The following GPHN variants were observed in gnomAD, a reference collection of about 807,000 sequenced individuals.
GPHN encodes gephyrin.
A neutral mutation model predicts 95.5 loss-of-function variants in GPHN; 17 were observed. The observed-to-expected ratio is 0.18, with a 90% CI of 0.12 to 0.27. The LOEUF is 0.27. GPHN is among the 10% of genes least tolerant of loss of function. The pLI is 1.00. For synonymous variants in GPHN, 320 were observed against 322.5 expected, an observed-to-expected ratio of 0.99 and a Z score of 0.08; for missense variants, 660 against 978.1, an observed-to-expected ratio of 0.67 and a Z score of 4.34.
the GPHN span, among the ~76,000 whole-genome samples, chr14:67,706,718 G>A: frequency 0.13 from 20,385 of 152,092 alleles, 1,403 homozygotes; most frequent in East Asian, 0.21. Context: ...TTTTCCCTTT[G>A]GCTTTGTGAT....
At chr14:66,793,272 AC>A (rs1438907504) in intron 3 of GPHN, among the ~76,000 whole-genome samples, 1 of 152,266 alleles carries the variant, frequency 6.6e-6, no homozygotes, top group African/African-American at 2.4e-5. Flanking sequence ...AATTTAAAAA[AC>A]AATACATGTA....
At chr14:66,676,187 A>G (rs1265625891) in intron 1 of GPHN, among the ~76,000 whole-genome samples, 1 of 151,794 alleles carries the variant, frequency 6.6e-6, no homozygotes, top group Non-Finnish European at 1.5e-5. Context: ...AGTTTCTATT[A>G]TTTTTCTTCC....
At chr14:66,768,644 A>C (rs1236697638) in intron 2 of GPHN, among the ~76,000 whole-genome samples, 1 of 152,014 alleles carries the variant, frequency 6.6e-6, no homozygotes, top group Non-Finnish European at 1.5e-5. Flanking sequence ...AACTGGCAGA[A>C]TTAAAGGGAC....
At chr14:67,408,271 A>T in the GPHN span, among the ~76,000 whole-genome samples, 2 of 150,066 alleles carry the variant, frequency 1.3e-5, no homozygotes, top group Admixed American at 1.3e-4. Context: ...GGGCAACAAG[A>T]GCAAAATTCG....
At chr14:67,586,277 C>G in the GPHN span, 1 of 1,089,216 alleles carries the variant, frequency 9.2e-7, no homozygotes, top group Non-Finnish European at 1.4e-6. Context: ...TATCAATGTT[C>G]AGCTAGTAGG....
At chr14:66,552,119 C>T (rs1306461601) in intron 1 of GPHN, among the ~76,000 whole-genome samples, 1 of 152,154 alleles carries the variant, frequency 6.6e-6, no homozygotes, top group Non-Finnish European at 1.5e-5. Context: ...CCCACATCTA[C>T]TTACTCATTA....
intron 1 of GPHN, among the ~76,000 whole-genome samples, chr14:66,677,927 C>T (rs1233940459): frequency 2.6e-5 from 4 of 151,838 alleles, no homozygotes; most frequent in Non-Finnish European, 5.9e-5. Context: ...TTTTTTTTCT[C>T]TCTTGGCTTA....
At chr14:67,482,584 C>T in the GPHN span, among the ~76,000 whole-genome samples, 1 of 152,212 alleles carries the variant, frequency 6.6e-6, no homozygotes, top group Non-Finnish European at 1.5e-5. Context: ...TTCTAGGAGA[C>T]CCCTGAGGCA....
intron 3 of GPHN, among the ~76,000 whole-genome samples, chr14:66,804,542 A>G (rs186185808): frequency 1.5e-3 from 233 of 152,338 alleles, no homozygotes; most frequent in African/African-American, 5.4e-3. Flanking sequence ...GGGTTTATTC[A>G]AATTTTTAAG....
intron 8 of GPHN, among the ~76,000 whole-genome samples, chr14:66,927,668 A>G (rs2066554002): frequency 6.6e-6 from 1 of 152,110 alleles, no homozygotes; most frequent in Non-Finnish European, 1.5e-5. Context: ...ATGATACTAG[A>G]TGTGGGTCTG....
At chr14:67,309,674 C>G in the GPHN span, among the ~76,000 whole-genome samples, 1 of 152,166 alleles carries the variant, frequency 6.6e-6, no homozygotes, top group East Asian at 1.9e-4. Context: ...ATTCCCTCCT[C>G]ACGGGTCTTA....
At chr14:67,150,440 C>CAAAA (rs1416536191) in intron 18 of GPHN, among the ~76,000 whole-genome samples, 14 of 16,978 alleles carry the variant, frequency 8.2e-4, no homozygotes, top group East Asian at 4.0e-3. Flanking sequence ...GACTCCGTCT[C>CAAAA]AAAAAAAAAA....
At chr14:67,129,789 AG>A (rs2079573337) in intron 17 of GPHN, among the ~76,000 whole-genome samples, 2 of 142,766 alleles carry the variant, frequency 1.4e-5, no homozygotes, top group South Asian at 5.0e-4. Flanking sequence ...AAAGAAAGAG[AG>A]AGAGAGGGAG....
the GPHN span, among the ~76,000 whole-genome samples, chr14:67,609,069 T>G: frequency 5.3e-5 from 8 of 152,152 alleles, no homozygotes; most frequent in Non-Finnish European, 1.0e-4. Context: ...TCCGAGCTTC[T>G]GGAACTTCCC....
intron 1 of GPHN, among the ~76,000 whole-genome samples, chr14:66,516,986 C>T (rs2058271936): frequency 6.6e-6 from 1 of 151,804 alleles, no homozygotes; most frequent in Non-Finnish European, 1.5e-5. Context: ...GAAAATTAGG[C>T]AGGCATGGTG....
chr14:66,756,659 T>A (rs1243639887), intron 2 of GPHN, among the ~76,000 whole-genome samples: 1 of 152,224 alleles, frequency 6.6e-6, no homozygotes, highest in Non-Finnish European at 1.5e-5. Context: ...GTCTTTTGGA[T>A]GGCAACATTA....
At chr14:67,302,210 G>C in the GPHN span, 1 of 1,345,716 alleles carries the variant, frequency 7.4e-7, no homozygotes. Context: ...CTAATGAATA[G>C]AGTATTTCTG....
At chr14:67,586,485 T>A in the GPHN span, 5 of 1,095,450 alleles carry the variant, frequency 4.6e-6, no homozygotes, top group African/African-American at 8.0e-5. Context: ...TGGGTTCTGC[T>A]GACCCAACAT....
chr14:66,909,448 T>C (rs1027386228), intron 5 of GPHN, among the ~76,000 whole-genome samples: 2 of 151,946 alleles, frequency 1.3e-5, no homozygotes, highest in African/African-American at 4.8e-5. Flanking sequence ...ACATATCAAA[T>C]CTAAAAGTAT....
Sources: allele counts gnomAD v4.1 joint callset (sites outside exome capture counted in the v4.1 genomes callset), GRCh38; gene constraint gnomAD v4.1.1; transcripts MANE v1.5; gene names NCBI Gene and HGNC (gene_info 2026-07-23, HGNC 2026-07-21).